The following GFRA2 variants were observed in gnomAD, a reference collection of about 807,000 sequenced individuals.
The protein encoded by GFRA2 is GDNF family receptor alpha-2.
GFRA2 carries 17 observed loss-of-function variants against 48.3 expected under a neutral mutation model. The ratio of observed to expected loss-of-function variants is 0.35; its 90% confidence interval spans 0.24 to 0.53. The LOEUF (loss-of-function observed/expected upper bound fraction) is 0.53. Ranked by LOEUF, GFRA2 falls within the 20% of genes least tolerant of loss-of-function variation. The pLI is 0.93. For synonymous variants in GFRA2, 305 were observed against 257.2 expected (o/e 1.19, Z -1.78); for missense variants, 660 against 637.3 (o/e 1.04, Z -0.38).
intron 4 of GFRA2, among the ~76,000 whole-genome samples, chr8:21,727,893 A>T (rs546880880): frequency 5.3e-5 from 8 of 152,304 alleles, no homozygotes; most frequent in East Asian, 3.9e-4. Context: ...CCAGCTGGAT[A>T]TTAAAACAAA....
Position 21,692,381 on chromosome 8 carries a change from A to G in GFRA2, c.*897T>C, listed in dbSNP as rs1211560404. ...GGGAAAGGAGGAGGAGGGAGAAGACAGCAGGAAAGCTTGAGGGCCCACGGT... is the reference window on the plus strand; with the variant it reads ...GGGAAAGGAGGAGGAGGGAGAAGACGGCAGGAAAGCTTGAGGGCCCACGGT... On this transcript the variant is annotated 3_prime_UTR_variant, in exon 9 of 9. Coordinates refer to ENST00000524240, the MANE Select transcript of GFRA2 (RefSeq NM_001495.5). 6.6e-6 allele frequency: 1 copy of G among 152,298 alleles called. No homozygotes were observed. Among genetic ancestry groups the G allele is most frequent in the Non-Finnish European group, 1.5e-5 (1 of 68,116 alleles). The allele number at this position is 152,298 out of a possible 1,614,324, so 9.4% of individuals were successfully genotyped here. A position where few individuals can be genotyped will look rare whatever the true frequency, so the allele number is the denominator to read the frequency against.
At chr8:21,713,353 G>C (rs778359053) in intron 4 of GFRA2, among the ~76,000 whole-genome samples, 10 of 151,824 alleles carry the variant, frequency 6.6e-5, no homozygotes, top group Non-Finnish European at 1.2e-4. Context: ...GCGCCACCAT[G>C]CCTGGCTCGT....
At chr8:21,798,606 T>C (rs1452688786) in intron 2 of GFRA2, among the ~76,000 whole-genome samples, 1 of 152,128 alleles carries the variant, frequency 6.6e-6, no homozygotes, top group Non-Finnish European at 1.5e-5. Flanking sequence ...ACAAGGATGA[T>C]CAAATGAGAC....
At chr8:21,731,951 T>C (rs1428652147) in intron 4 of GFRA2, among the ~76,000 whole-genome samples, 1 of 152,216 alleles carries the variant, frequency 6.6e-6, no homozygotes, top group Non-Finnish European at 1.5e-5. Context: ...AGAATAACAC[T>C]GTGTCACCAA....
At chr8:21,751,378 T>C (rs1164806715) in intron 3 of GFRA2, among the ~76,000 whole-genome samples, 2 of 152,190 alleles carry the variant, frequency 1.3e-5, no homozygotes, top group Non-Finnish European at 2.9e-5. Context: ...ATGCTCATGA[T>C]GGGATTGTCA....
At chr8:21,703,705 C>G (rs1802598807) in intron 6 of GFRA2, among the ~76,000 whole-genome samples, 1 of 152,192 alleles carries the variant, frequency 6.6e-6, no homozygotes, top group Non-Finnish European at 1.5e-5. Context: ...TGGTGCCTCC[C>G]TGCACAAGCA....
chr8:21,707,138 A>C (rs1802788536), intron 4 of GFRA2, among the ~76,000 whole-genome samples: 1 of 152,190 alleles, frequency 6.6e-6, no homozygotes, highest in African/African-American at 2.4e-5. Flanking sequence ...AATGATGGGA[A>C]CTCAGTAGGA....
intron 1 of GFRA2, among the ~76,000 whole-genome samples, chr8:21,811,084 C>T (rs1342879530): frequency 2.6e-5 from 4 of 152,164 alleles, no homozygotes; most frequent in Non-Finnish European, 5.9e-5. Context: ...CCTCCTGGGC[C>T]CCAGGAGAGA....
chr8:21,731,548 C>A lies in GFRA2; in HGVS notation c.794+19040G>T, dbSNP rs370860476. ...GTAGGTCACTCATCTGGCAGCCTGC[C>A]AGGAATGAGGAAGTCCCCTGAACAG... On this transcript the variant is annotated intron_variant, in intron 4 of 8. Transcript: ENST00000524240. Among the ~76,000 whole-genome samples the A allele has an allele frequency of 3.9e-5, 6 of 152,252 alleles. No individual in the cohort carries two copies. In the East Asian group the frequency reaches 7.7e-4, roughly 20 times the overall value.
chr8:21,723,380 T>A (rs2117455228), intron 4 of GFRA2, among the ~76,000 whole-genome samples: 1 of 151,872 alleles, frequency 6.6e-6, no homozygotes, highest in South Asian at 2.1e-4. Flanking sequence ...GGAAGAAAAA[T>A]CTGAGTCTAA....
At chr8:21,758,094 G>A (rs1805670325) in intron 3 of GFRA2, among the ~76,000 whole-genome samples, 2 of 152,008 alleles carry the variant, frequency 1.3e-5, no homozygotes, top group Admixed American at 6.5e-5. Context: ...GAGCTCTGCG[G>A]CTGGCACCTG....
intron 1 of GFRA2, among the ~76,000 whole-genome samples, chr8:21,783,771 C>A (rs963825973): frequency 6.6e-6 from 1 of 151,872 alleles, no homozygotes; most frequent in Non-Finnish European, 1.5e-5. Context: ...ATGCCCCCCG[C>A]GCCCCCTGCT....
At chr8:21,706,957 C>CA (rs1802780249) in intron 4 of GFRA2, among the ~76,000 whole-genome samples, 1 of 152,218 alleles carries the variant, frequency 6.6e-6, no homozygotes, top group Admixed American at 6.5e-5. Flanking sequence ...GGAATGTTAC[C>CA]AACAGCCTGG....
At chr8:21,786,146 T>A (rs989764095) in intron 1 of GFRA2, among the ~76,000 whole-genome samples, 1 of 152,144 alleles carries the variant, frequency 6.6e-6, no homozygotes, top group Non-Finnish European at 1.5e-5. Context: ...CTCTCAACAC[T>A]CAGCCTCCAG....
At chr8:21,699,773 C>T (rs11990425) in intron 7 of GFRA2, among the ~76,000 whole-genome samples, 48,232 of 152,064 alleles carry the variant, frequency 0.32, 7,885 homozygotes, top group East Asian at 0.45. Context: ...CAGAGCCCAT[C>T]CTCTAGGACA....
At chr8:21,757,201 C>A (rs1294729773) in intron 3 of GFRA2, among the ~76,000 whole-genome samples, 1 of 152,064 alleles carries the variant, frequency 6.6e-6, no homozygotes, top group African/African-American at 2.4e-5. Context: ...CCAGAGGCTG[C>A]AGCTCAGCCT....
intron 1 of GFRA2, among the ~76,000 whole-genome samples, chr8:21,811,046 G>T (rs887313264): frequency 2.0e-5 from 3 of 152,202 alleles, no homozygotes; most frequent in African/African-American, 7.2e-5. Context: ...AAATCACACT[G>T]ATCTCAAAAG....
At chr8:21,761,495 GT>G (rs1195844948) in intron 3 of GFRA2, among the ~76,000 whole-genome samples, 1 of 152,200 alleles carries the variant, frequency 6.6e-6, no homozygotes, top group African/African-American at 2.4e-5. Context: ...CACAGGTTAT[GT>G]AACCTCTTTG....
intron 2 of GFRA2, among the ~76,000 whole-genome samples, chr8:21,795,272 T>A (rs1181995407): frequency 6.6e-6 from 1 of 152,232 alleles, no homozygotes; most frequent in African/African-American, 2.4e-5. Context: ...ATCCATGATC[T>A]TGAAGTCCTT....
Sources: allele counts gnomAD v4.1 joint callset (sites outside exome capture counted in the v4.1 genomes callset), GRCh38; gene constraint gnomAD v4.1.1; transcripts MANE v1.5; gene names NCBI Gene and HGNC (gene_info 2026-07-23, HGNC 2026-07-21).